Variants in GET3 observed in about 807,000 individuals in gnomAD.
GET3 encodes the protein guided entry of tail-anchored proteins factor 3, ATPase.
GET3 carries 15 observed loss-of-function variants against 32.4 expected under a neutral mutation model. The ratio of observed to expected loss-of-function variants is 0.46; its 90% confidence interval spans 0.31 to 0.71. The LOEUF is 0.71. GET3 is among the 30% of genes least tolerant of loss of function. The pLI, the probability that GET3 is intolerant of heterozygous loss-of-function variation, is 0.05. For missense variants in GET3, 333 were observed against 459.0 expected (o/e 0.73, Z 2.51); for synonymous variants, 198 against 185.6 (o/e 1.07, Z -0.54).
At chr19:12,746,023 T>C (rs1967765002) in intron 4 of GET3, among the ~76,000 whole-genome samples, 1 of 152,166 alleles carries the variant, frequency 6.6e-6, no homozygotes, top group African/African-American at 2.4e-5. Context: ...TCAAACCCTC[T>C]ACACTCACCA....
In GET3 at chr19:12,745,867, C is replaced by T. The variant is rs1431863327; in HGVS notation, c.609+108C>T. On this transcript the variant is annotated intron_variant, in intron 4 of 6. Coordinates refer to ENST00000357332, the MANE Select transcript of GET3 (RefSeq NM_004317.4). The surrounding 1 kb of genome is among the most constrained non-coding windows in gnomAD (Gnocchi z 5.0). ...ACTAACAATTCCCTTTCCTTCCCAC[C>T]CCTTCTCACTCTGGACTTCTCCCTG... 1 of 1,392,902 alleles carries T rather than the reference C, an allele frequency of 7.2e-7. No homozygotes were observed. The highest frequency in any genetic ancestry group is 9.6e-7 in the Non-Finnish European group (1 of 1,045,276). 86.3% of individuals were successfully genotyped at this position (1,392,902 alleles called of 1,614,324 possible).
Position 12,745,538 on chromosome 19 carries a change from C to CA in GET3, c.458+14dup. On this transcript the variant is annotated intron_variant, in intron 3 of 6. Coordinates refer to ENST00000357332, the MANE Select transcript of GET3 (RefSeq NM_004317.4). This position sits in a 1 kb window ranked among gnomAD's most constrained non-coding sequence, Gnocchi z 5.0. ...CCGAGGTCATGAGGTCAGGCCCAGC[C>CA]AGCAGGGGTGGGGGCTGCCTGGGGA... 1 of 1,612,892 alleles carries CA rather than the reference C, an allele frequency of 6.2e-7. No individual in the cohort carries two copies. The highest frequency in any genetic ancestry group is 8.5e-7 in the Non-Finnish European group (1 of 1,179,984).
intron 2 of GET3, among the ~76,000 whole-genome samples, chr19:12,741,620 G>C (rs749831993): frequency 6.6e-6 from 1 of 152,038 alleles, no homozygotes; most frequent in East Asian, 1.9e-4. Flanking sequence ...TTAGCCTTGC[G>C]TGGTGGCCGG....
At chr19:12,737,909 G>T (rs935136615) in intron 1 of GET3, among the ~76,000 whole-genome samples, 2 of 152,296 alleles carry the variant, frequency 1.3e-5, no homozygotes, top group East Asian at 3.9e-4. Context: ...GCGCCCGGGG[G>T]ACGGGGAAGC....
chr19:12,742,508 G>A (rs552948955), intron 2 of GET3, among the ~76,000 whole-genome samples: 9 of 152,078 alleles, frequency 5.9e-5, no homozygotes, highest in South Asian at 2.1e-4. Flanking sequence ...TCTTCCTCCC[G>A]ATTTCAAGTG....
In GET3 at chr19:12,747,714, G is replaced by A; in HGVS notation, c.915+122G>A. On this transcript the variant is annotated intron_variant, in intron 6 of 6. Transcript: ENST00000357332. This position sits in a 1 kb window ranked among gnomAD's most constrained non-coding sequence, Gnocchi z 4.0. Reference sequence around the variant, plus strand: ...TCCTGCCCTTTGCCCCCACATTTCAGATCCTTCACCCTTATTCCGGCCATA... The same window carrying A: ...TCCTGCCCTTTGCCCCCACATTTCAAATCCTTCACCCTTATTCCGGCCATA... 7.7e-7 allele frequency: 1 copy of A among 1,298,624 alleles called. No homozygotes were observed. The highest frequency in any genetic ancestry group is 1.4e-5 in the South Asian group (1 of 72,314). 80.4% of individuals were successfully genotyped at this position (1,298,624 alleles called of 1,614,324 possible).
intron 2 of GET3, among the ~76,000 whole-genome samples, chr19:12,743,042 AAT>A (rs1967699041): frequency 6.6e-6 from 1 of 152,150 alleles, no homozygotes; most frequent in Non-Finnish European, 1.5e-5. Context: ...AGAAGCTTAA[AAT>A]ATATGAAGCA....
rs1048635754 is a variant in GET3 at position 12,745,334 on chromosome 19, C to G, written c.310-43C>G. The G allele has an allele frequency of 8.8e-6, 14 of 1,595,116 alleles. No homozygotes were observed. The highest frequency in any genetic ancestry group is 1.7e-5 in the Admixed American group (1 of 59,670). On this transcript the variant is annotated intron_variant, in intron 2 of 6. Coordinates refer to ENST00000357332, the MANE Select transcript of GET3 (RefSeq NM_004317.4). This position sits in a 1 kb window ranked among gnomAD's most constrained non-coding sequence, Gnocchi z 5.0. Reference sequence around the variant, plus strand: ...CCTGTGCCCAGGTGGGAAGGCTCCCCCAGCAGTAGCAGCAACCTCAGTCTC... The same window carrying G: ...CCTGTGCCCAGGTGGGAAGGCTCCCGCAGCAGTAGCAGCAACCTCAGTCTC...
In GET3 at chr19:12,745,225, C is replaced by T. The variant is rs1967747261; in HGVS notation, c.310-152C>T. 1 of 807,486 alleles carries T rather than the reference C, an allele frequency of 1.2e-6. No homozygotes were observed. The highest frequency in any genetic ancestry group is 1.9e-6 in the Non-Finnish European group (1 of 518,572). 50.0% of individuals were successfully genotyped at this position (807,486 alleles called of 1,614,324 possible). A position where few individuals can be genotyped will look rare whatever the true frequency, so the allele number is the denominator to read the frequency against. ...AAGTACTACCTCAGGGTCCCCCCAGCCGTGACCTAATGAAATGCCTGTGGT... is the reference window on the plus strand; with the variant it reads ...AAGTACTACCTCAGGGTCCCCCCAGTCGTGACCTAATGAAATGCCTGTGGT... On this transcript the variant is annotated intron_variant, in intron 2 of 6. Transcript: ENST00000357332. This position sits in a 1 kb window ranked among gnomAD's most constrained non-coding sequence, Gnocchi z 5.0.
chr19:12,748,159 C>G lies in GET3; in HGVS notation c.*55C>G. The G allele has an allele frequency of 6.6e-7, 1 of 1,505,962 alleles. No individual in the cohort carries two copies. The highest frequency in any genetic ancestry group is 8.9e-7 in the Non-Finnish European group (1 of 1,118,884). The allele number at this position is 1,505,962 out of a possible 1,614,324, so 93.3% of individuals were successfully genotyped here. ...TCACACTCACCCTCCACCCTCCCCA[C>G]CCCCTCGGGGCAGAGTTTGCACAAA... is the stretch of plus-strand genomic sequence containing the variant. On this transcript the variant is annotated 3_prime_UTR_variant, in exon 7 of 7. Coordinates refer to ENST00000357332, the MANE Select transcript of GET3 (RefSeq NM_004317.4).
intron 2 of GET3, among the ~76,000 whole-genome samples, chr19:12,741,906 G>A (rs1185274118): frequency 2.6e-5 from 4 of 152,212 alleles, no homozygotes; most frequent in African/African-American, 9.6e-5. Flanking sequence ...ATGACAGAGC[G>A]AGACTCCGTC....
chr19:12,745,697 G>A lies in GET3; in HGVS notation c.547G>A (p.Val183Met), dbSNP rs1256061891. The A allele has an allele frequency of 2.5e-6, 4 of 1,612,800 alleles. No individual in the cohort carries two copies. The highest frequency in any genetic ancestry group is 1.1e-5 in the South Asian group (1 of 91,088). ...GAGGCTGCTCAACTTCCCCACCATC[G>A]TGGAGCGGGGCCTGGGCCGGCTTAT... Reference protein sequence around the residue: ...TLRLLNFPTIVERGLGRLMQI... With the variant: ...TLRLLNFPTIMERGLGRLMQI... Residue 183 changes from valine (V) to methionine (M), a missense_variant, in exon 4 of 7, where the codon GTG becomes ATG. By Grantham distance (21) the Val-to-Met change is conservative. Coordinates refer to ENST00000357332, the MANE Select transcript of GET3 (RefSeq NM_004317.4). The surrounding 1 kb of genome is among the most constrained non-coding windows in gnomAD (Gnocchi z 5.0).
At chr19:12,740,799 G>C (rs1967654387) in intron 2 of GET3, among the ~76,000 whole-genome samples, 2 of 152,374 alleles carry the variant, frequency 1.3e-5, no homozygotes, top group South Asian at 2.1e-4. Flanking sequence ...GGCGCTGCCA[G>C]GGTCAGGGAC....
intron 2 of GET3, among the ~76,000 whole-genome samples, chr19:12,744,554 A>G (rs1362972591): frequency 2.0e-5 from 3 of 152,180 alleles, no homozygotes; most frequent in Non-Finnish European, 4.4e-5. Flanking sequence ...TCCCGACCTC[A>G]GGTGATCTGC....
chr19:12,747,203 A>C lies in GET3; in HGVS notation c.616A>C (p.Asn206His). The C allele has an allele frequency of 6.2e-7, 1 of 1,600,200 alleles. No individual in the cohort carries two copies. The highest frequency in any genetic ancestry group is 8.5e-7 in the Non-Finnish European group (1 of 1,173,356). ...TCCCACATCCCCCCTGCAGATGTGCAACATGCTGGGCCTGGGGGACATGAA... is the reference window on the plus strand; with the variant it reads ...TCCCACATCCCCCCTGCAGATGTGCCACATGCTGGGCCTGGGGGACATGAA... ...QISPFISQMC[N>H]MLGLGDMNAD... Residue 206 changes from asparagine (N) to histidine (H), a missense_variant, in exon 5 of 7, where the codon AAC (asparagine) becomes CAC (histidine). Physicochemically the swap from Asn to His is moderately conservative, Grantham distance 68 (BLOSUM62 1). Around this residue, in one of 3 missense-constraint regions of GET3, gnomAD observed 230 missense variants for 389.2 expected, o/e 0.59. Transcript: ENST00000357332. The surrounding 1 kb of genome is among the most constrained non-coding windows in gnomAD (Gnocchi z 4.0).
chr19:12,748,163 C>G lies in GET3; in HGVS notation c.*59C>G. 6.7e-7 allele frequency: 1 copy of G among 1,492,108 alleles called. No individual in the cohort carries two copies. Among genetic ancestry groups the G allele is most frequent in the Non-Finnish European group, 9.0e-7 (1 of 1,112,684 alleles). The allele number at this position is 1,492,108 out of a possible 1,614,324, so 92.4% of individuals were successfully genotyped here. A position where few individuals can be genotyped will look rare whatever the true frequency, so the allele number is the denominator to read the frequency against. On this transcript the variant is annotated 3_prime_UTR_variant, in exon 7 of 7. Coordinates refer to ENST00000357332, the MANE Select transcript of GET3 (RefSeq NM_004317.4). ...ACTCACCCTCCACCCTCCCCACCCCCTCGGGGCAGAGTTTGCACAAAGTCC... is the reference window on the plus strand; with the variant it reads ...ACTCACCCTCCACCCTCCCCACCCCGTCGGGGCAGAGTTTGCACAAAGTCC...
chr19:12,747,480 G>A lies in GET3; in HGVS notation c.803G>A (p.Cys268Tyr), dbSNP rs1234379855. ...AGGCTGATCCAGGAGCTGGCCAAGT[G>A]CAAGATTGACACACACAATATAATT... The part of the protein sequence containing the change: ...TERLIQELAK[C>Y]KIDTHNIIVN... Residue 268 changes from cysteine (C) to tyrosine (Y), a missense_variant, in exon 6 of 7, where the codon TGC (cysteine) becomes TAC (tyrosine). Physicochemically the swap from Cys to Tyr is radical, Grantham distance 194 (BLOSUM62 -2). Coordinates refer to ENST00000357332, the MANE Select transcript of GET3 (RefSeq NM_004317.4). This position sits in a 1 kb window ranked among gnomAD's most constrained non-coding sequence, Gnocchi z 4.0. 1.9e-6 allele frequency: 3 copies of A among 1,614,050 alleles called. No individual in the cohort carries two copies. Among genetic ancestry groups the A allele is most frequent in the Non-Finnish European group, 2.5e-6 (3 of 1,180,008 alleles).
At chr19:12,743,237 G>A (rs1258561646) in intron 2 of GET3, among the ~76,000 whole-genome samples, 1 of 152,148 alleles carries the variant, frequency 6.6e-6, no homozygotes, top group Non-Finnish European at 1.5e-5. Context: ...CAGCATTTTG[G>A]GAGGCTGAGG....
intron 1 of GET3, 77 bp downstream of exon 1, chr19:12,737,743 T>TCCTTG: frequency 1.1e-5 from 16 of 1,499,864 alleles, no homozygotes; most frequent in Non-Finnish European, 1.4e-5. Flanking sequence ...GACCGGCTTT[T>TCCTTG]CCACCACGAC....
Sources: gnomAD v4.1 joint callset for allele counts (sites outside exome capture counted in the v4.1 genomes callset) on GRCh38, gnomAD v4.1.1 for gene constraint, gnomAD v4.1.1 regional missense constraint, Gnocchi (gnomAD v3.1) non-coding constraint, MANE v1.5 for transcripts, NCBI Gene and HGNC (gene_info 2026-07-23, HGNC 2026-07-21) for gene names.